The following TPTE2 variants were observed in gnomAD, a reference collection of about 807,000 sequenced individuals.
TPTE2 encodes the protein phosphatidylinositol 3,4,5-trisphosphate 3-phosphatase TPTE2.
A neutral mutation model predicts 78.6 loss-of-function variants in TPTE2; 53 were observed. The ratio of observed to expected loss-of-function variants is 0.67; its 90% CI spans 0.54 to 0.85. TPTE2 has a LOEUF of 0.85. TPTE2 is among the 40% of genes least tolerant of loss of function. TPTE2 has a pLI of 0.00. For synonymous variants in TPTE2, 175 were observed against 206.2 expected (o/e 0.85, Z 1.30); for missense variants, 461 against 623.0 (o/e 0.74, Z 2.77).
intron 3 of TPTE2, 44 bp from the exon 7 acceptor site, chr13:19,482,591 T>C (rs1183709817): frequency 6.2e-7 from 1 of 1,604,502 alleles, no homozygotes; most frequent in Admixed American, 1.7e-5. Flanking sequence ...CATTAGATAT[T>C]TGCTACACAA....
At chr13:19,488,269 C>T (rs191883327) in intron 3 of TPTE2, among the ~76,000 whole-genome samples, 107 of 152,308 alleles carry the variant, frequency 7.0e-4, no homozygotes, top group African/African-American at 2.3e-3. Flanking sequence ...CTAGGATTTT[C>T]GGAATAGTCA....
intron 6 of TPTE2, among the ~76,000 whole-genome samples, chr13:19,470,578 T>G (rs1239650657): frequency 2.0e-5 from 3 of 152,092 alleles, no homozygotes. Flanking sequence ...CAGGCTGGAG[T>G]GCAGTGGTGT....
the TPTE2 span, among the ~76,000 whole-genome samples, chr13:19,542,217 C>T: frequency 3.7e-4 from 57 of 152,114 alleles, 1 homozygote; most frequent in African/African-American, 1.3e-3. Context: ...TACAGTGGCA[C>T]GATCATAGCT....
chr13:19,437,038 G>GACACACACACACACACAC (rs376691875), intron 14 of TPTE2, among the ~76,000 whole-genome samples: 1 of 145,902 alleles, frequency 6.9e-6, no homozygotes, highest in African/African-American at 2.5e-5. Context: ...AAACCTAGGA[G>GACACACACACACACACAC]ACACACACAC....
At chr13:19,498,392 CAGAA>C (rs1881531008) in intron 1 of TPTE2, among the ~76,000 whole-genome samples, 1 of 151,900 alleles carries the variant, frequency 6.6e-6, no homozygotes, top group Admixed American at 6.6e-5. Context: ...TCAGGGCAGC[CAGAA>C]AGAAAGGTCG....
chr13:19,465,061 T>C (rs1156439692), intron 9 of TPTE2, among the ~76,000 whole-genome samples, 194 bp downstream of exon 12: 2 of 152,178 alleles, frequency 1.3e-5, no homozygotes, highest in African/African-American at 4.8e-5. Flanking sequence ...TGCAACTGAG[T>C]AGTCCTGAAT....
At chr13:19,466,905 T>C (rs561441678) in intron 7 of TPTE2, among the ~76,000 whole-genome samples, 1 of 152,306 alleles carries the variant, frequency 6.6e-6, no homozygotes, top group Admixed American at 6.5e-5. Flanking sequence ...GGCCAAAAAA[T>C]GATACAAATG....
chr13:19,458,933 C>T (rs1185055356), intron 10 of TPTE2, among the ~76,000 whole-genome samples: 3 of 152,230 alleles, frequency 2.0e-5, no homozygotes, highest in Middle Eastern at 6.8e-3. Flanking sequence ...TGGGTATATA[C>T]CCCATAATGG....
At chr13:19,427,231 C>T (rs1431640127) in intron 17 of TPTE2, among the ~76,000 whole-genome samples, 4 of 151,488 alleles carry the variant, frequency 2.6e-5, no homozygotes, top group African/African-American at 4.9e-5. Flanking sequence ...ACTACAGGCA[C>T]GTGCCACCAT....
chr13:19,525,160 T>A (rs1034355200), intron 1 of TPTE2, among the ~76,000 whole-genome samples: 1 of 151,958 alleles, frequency 6.6e-6, no homozygotes, highest in Non-Finnish European at 1.5e-5. Flanking sequence ...TAGTAAGAAT[T>A]GAGAGGAGAG....
intron 1 of TPTE2, among the ~76,000 whole-genome samples, chr13:19,497,522 ACC>A (rs1367677098): frequency 1.2e-5 from 1 of 80,882 alleles, no homozygotes; most frequent in Non-Finnish European, 3.3e-5. Flanking sequence ...ACTGGGAGGC[ACC>A]CCCCAGCAGG....
At chr13:19,492,720 G>C in intron 3 of TPTE2, 130 bp downstream of exon 6, 1 of 1,313,258 alleles carries the variant, frequency 7.6e-7, no homozygotes, top group Non-Finnish European at 1.0e-6. Flanking sequence ...GCATGGGTTT[G>C]TTTGTGTAAA....
intron 1 of TPTE2, among the ~76,000 whole-genome samples, chr13:19,498,080 C>G (rs1039832545): frequency 2.0e-5 from 3 of 150,626 alleles, no homozygotes; most frequent in African/African-American, 7.3e-5. Flanking sequence ...TGAAATGAAG[C>G]GAGAAGGGAA....
chr13:19,443,675 G>C (rs1375555931), intron 13 of TPTE2, among the ~76,000 whole-genome samples: 2 of 151,700 alleles, frequency 1.3e-5, no homozygotes, highest in African/African-American at 4.9e-5. Flanking sequence ...AAAGTGCTGG[G>C]ATTACAGGTG....
At chr13:19,561,426 A>G in the TPTE2 span, among the ~76,000 whole-genome samples, 54 of 151,270 alleles carry the variant, frequency 3.6e-4, no homozygotes, top group Admixed American at 9.2e-4. Flanking sequence ...CCCCCAACCT[A>G]AGCACACCTT....
chr13:19,457,014 C>G (rs186004439), intron 10 of TPTE2, among the ~76,000 whole-genome samples: 71 of 152,236 alleles, frequency 4.7e-4, no homozygotes, highest in Admixed American at 1.2e-3. Context: ...CAGAAACAGA[C>G]CTATACGTAT....
intron 3 of TPTE2, among the ~76,000 whole-genome samples, chr13:19,488,743 C>T (rs1880807563): frequency 1.3e-5 from 2 of 152,182 alleles, no homozygotes; most frequent in African/African-American, 4.8e-5. Context: ...AAAACATTCT[C>T]CAGATTAGCA....
chr13:19,536,182 T>C (rs1871202821), intron 1 of TPTE2, among the ~76,000 whole-genome samples: 1 of 152,124 alleles, frequency 6.6e-6, no homozygotes, highest in Non-Finnish European at 1.5e-5. Flanking sequence ...GGAATTATCT[T>C]GGAATCTGAT....
intron 1 of TPTE2, 84 bp from the exon 5 acceptor site, chr13:19,493,585 G>C (rs1179043374): frequency 8.4e-7 from 1 of 1,195,904 alleles, no homozygotes; most frequent in East Asian, 2.3e-5. Context: ...CATTACTCTA[G>C]ACAGAAACCA....
Sources: allele counts gnomAD v4.1 joint callset (sites outside exome capture counted in the v4.1 genomes callset), GRCh38; gene constraint gnomAD v4.1.1; transcripts MANE v1.5; gene names NCBI Gene and HGNC (gene_info 2026-07-23, HGNC 2026-07-21).